Variants in MTCL2 observed in about 807,000 individuals in gnomAD.
MTCL2 encodes microtubule cross-linking factor 2.
chr20:36,850,299 C>T, the MTCL2 span, among the ~76,000 whole-genome samples: 4 of 152,168 alleles, frequency 2.6e-5, no homozygotes, highest in Admixed American at 6.5e-5. Context: ...GAGGCCGAGA[C>T]GGACGGATTA....
At chr20:36,854,916 G>A in the MTCL2 span, among the ~76,000 whole-genome samples, 2 of 152,138 alleles carry the variant, frequency 1.3e-5, no homozygotes, top group East Asian at 3.9e-4. Flanking sequence ...GTGACACGAC[G>A]CCGTGGGGGA....
At chr20:36,827,312 C>G in the MTCL2 span, among the ~76,000 whole-genome samples, 1 of 151,378 alleles carries the variant, frequency 6.6e-6, no homozygotes, top group Non-Finnish European at 1.5e-5. Flanking sequence ...CTCAGCCTCC[C>G]AAAGTGCTGG....
the MTCL2 span, among the ~76,000 whole-genome samples, chr20:36,858,311 AACACACACACAC>A: frequency 3.1e-5 from 1 of 31,832 alleles, no homozygotes; most frequent in Non-Finnish European, 6.6e-5. Context: ...AAGGAGGGAA[AACACACACACAC>A]ACACACACAC....
chr20:36,859,538 C>G, the MTCL2 span: 1 of 1,177,900 alleles, frequency 8.5e-7, no homozygotes, highest in Admixed American at 4.2e-5. Context: ...CATCCCGCCT[C>G]TCTCTGAATA....
the MTCL2 span, chr20:36,794,398 C>G: frequency 1.2e-6 from 2 of 1,613,704 alleles, no homozygotes; most frequent in South Asian, 2.2e-5. The surrounding 1 kb of genome is among the most constrained non-coding windows in gnomAD (Gnocchi z 5.4). Flanking sequence ...CCTGGCAGGC[C>G]AGGGCACCCA....
the MTCL2 span, chr20:36,805,977 C>T: frequency 1.9e-6 from 3 of 1,589,656 alleles, no homozygotes; most frequent in Non-Finnish European, 2.6e-6. Context: ...AAAAACCATG[C>T]TTAACAGCAG....
chr20:36,798,595 C>T, the MTCL2 span, among the ~76,000 whole-genome samples: 1 of 152,230 alleles, frequency 6.6e-6, no homozygotes, highest in African/African-American at 2.4e-5. Context: ...CTGCCAATGA[C>T]AGACAAAGAC....
At chr20:36,800,798 T>C in the MTCL2 span, among the ~76,000 whole-genome samples, 5 of 152,154 alleles carry the variant, frequency 3.3e-5, no homozygotes, top group Non-Finnish European at 7.4e-5. Flanking sequence ...ATTTCAAAGA[T>C]TGGTAATCAC....
At chr20:36,817,487 T>TTAA in the MTCL2 span, 1 of 1,331,592 alleles carries the variant, frequency 7.5e-7, no homozygotes, top group Non-Finnish European at 1.0e-6. Flanking sequence ...GAGATTTAAT[T>TTAA]AAAAAAAAAA....
the MTCL2 span, among the ~76,000 whole-genome samples, chr20:36,821,269 C>T: frequency 6.6e-6 from 1 of 152,174 alleles, no homozygotes; most frequent in Non-Finnish European, 1.5e-5. Flanking sequence ...CGCCTATAAT[C>T]CCAGCACTTT....
At chr20:36,845,641 G>A in the MTCL2 span, among the ~76,000 whole-genome samples, 10 of 152,234 alleles carry the variant, frequency 6.6e-5, no homozygotes, top group Non-Finnish European at 1.5e-4. Flanking sequence ...GGGGCGCTGG[G>A]CTTTCCGGGC....
At chr20:36,794,491 A>G in the MTCL2 span, 1 of 1,614,038 alleles carries the variant, frequency 6.2e-7, no homozygotes, top group Non-Finnish European at 8.5e-7. The surrounding 1 kb of genome is among the most constrained non-coding windows in gnomAD (Gnocchi z 5.4). Flanking sequence ...TCACAAAGCC[A>G]AAGGCAGGGT....
chr20:36,841,876 T>TGTGTGGGTGTGTGG, the MTCL2 span, among the ~76,000 whole-genome samples: 2 of 63,388 alleles, frequency 3.2e-5, no homozygotes, highest in Non-Finnish European at 5.8e-5. Context: ...GGGGGTGGGG[T>TGTGTGGGTGTGTGG]GTGTGTGTGT....
chr20:36,794,032 G>T, the MTCL2 span: 1 of 1,551,516 alleles, frequency 6.4e-7, no homozygotes, highest in Non-Finnish European at 8.7e-7. The surrounding 1 kb of genome is among the most constrained non-coding windows in gnomAD (Gnocchi z 5.4). Flanking sequence ...GGCGCACACA[G>T]TTGGTGATCT....
chr20:36,826,303 CCCCCT>C, the MTCL2 span, among the ~76,000 whole-genome samples: 1 of 14,986 alleles, frequency 6.7e-5, no homozygotes, highest in Non-Finnish European at 1.4e-4. Context: ...TTTCCCCCCT[CCCCCT>C]CCCCCTCCCC....
the MTCL2 span, among the ~76,000 whole-genome samples, chr20:36,827,359 T>G: frequency 3.0e-5 from 4 of 131,702 alleles, no homozygotes; most frequent in Middle Eastern, 4.0e-3. Flanking sequence ...GGACCCCCCT[T>G]TTTTTTTTTT....
chr20:36,796,211 G>A, the MTCL2 span, among the ~76,000 whole-genome samples: 3 of 152,222 alleles, frequency 2.0e-5, no homozygotes, highest in East Asian at 5.8e-4. Flanking sequence ...AAATGCACGT[G>A]TCAGACCACT....
the MTCL2 span, among the ~76,000 whole-genome samples, chr20:36,823,810 C>T: frequency 3.9e-5 from 6 of 152,172 alleles, no homozygotes; most frequent in South Asian, 1.2e-3. Flanking sequence ...TCTTGTCTCC[C>T]CCAAAAATAA....
chr20:36,836,585 CCA>C, the MTCL2 span, among the ~76,000 whole-genome samples: 1 of 152,016 alleles, frequency 6.6e-6, no homozygotes, highest in African/African-American at 2.4e-5. Context: ...CTCAGGTGAT[CCA>C]TCCGCCTCGG....
Sources: allele counts gnomAD v4.1 joint callset (sites outside exome capture counted in the v4.1 genomes callset), GRCh38; gene constraint gnomAD v4.1.1; non-coding constraint Gnocchi (gnomAD v3.1); transcripts MANE v1.5; gene names NCBI Gene and HGNC (gene_info 2026-07-23, HGNC 2026-07-21).